Variants in FCRL2 observed in about 807,000 individuals in gnomAD.
FCRL2 encodes the protein Fc receptor like 2.
Under a neutral mutation model 59.8 loss-of-function variants are expected in FCRL2, and 48 were observed. That is an observed-to-expected ratio of 0.80 (90% CI 0.64 to 1.02). The LOEUF (loss-of-function observed/expected upper bound fraction) is 1.02. Among genes scored for constraint, FCRL2 ranks in the 50% least tolerant of loss-of-function variants. The pLI is 0.00. For missense variants in FCRL2, 658 were observed against 597.3 expected (o/e 1.10, Z -1.06); for synonymous variants, 251 against 229.5 (o/e 1.09, Z -0.85).
intron 10 of FCRL2, among the ~76,000 whole-genome samples, chr1:157,747,238 A>G (rs7517644): frequency 0.2 from 30,743 of 152,168 alleles, 3,299 homozygotes; most frequent in Non-Finnish European, 0.24. Flanking sequence ...TGAGATAACC[A>G]ATCATGTGTG....
Position 157,748,898 on chromosome 1 carries a change from T to A in FCRL2, c.1370A>T (p.Glu457Val). Residue 457 changes from glutamate (E) to valine (V), a missense_variant, in exon 9 of 12, where the codon GAG becomes GTG. Transcript: ENST00000361516. ...TYSSPTPDME[E>V]LQPVYVNVGS... ...ACCATTGACATACACTGGCTGCAGC[T>A]CCTCCATGTCTGGGGTTGGGCTTGA... The A allele has an allele frequency of 6.2e-7, 1 of 1,613,852 alleles. No individual in the cohort carries two copies. Among genetic ancestry groups the A allele is most frequent in the Non-Finnish European group, 8.5e-7 (1 of 1,179,886 alleles).
At chr1:157,749,324 T>C (rs912474287) in intron 8 of FCRL2, among the ~76,000 whole-genome samples, 1 of 152,162 alleles carries the variant, frequency 6.6e-6, no homozygotes, top group African/African-American at 2.4e-5. Context: ...AATACACATT[T>C]TGTGTGTATG....
intron 9 of FCRL2, 124 bp downstream of exon 9, chr1:157,748,751 T>C: frequency 1.7e-6 from 2 of 1,174,082 alleles, no homozygotes; most frequent in Non-Finnish European, 2.5e-6. Flanking sequence ...GAGTCTGTTA[T>C]TTATTGGGAA....
chr1:157,752,637 A>G (rs1648280567), intron 7 of FCRL2, among the ~76,000 whole-genome samples: 1 of 152,224 alleles, frequency 6.6e-6, no homozygotes, highest in South Asian at 2.1e-4. Flanking sequence ...ATTAAATTTT[A>G]TGGTTGCACT....
chr1:157,758,899 A>G (rs532003394), intron 7 of FCRL2, among the ~76,000 whole-genome samples: 3 of 152,360 alleles, frequency 2.0e-5, no homozygotes, highest in East Asian at 3.9e-4. Context: ...AAACTGGACA[A>G]CTACCTTTCA....
intron 2 of FCRL2, among the ~76,000 whole-genome samples, chr1:157,770,940 G>T (rs932055634): frequency 6.6e-6 from 1 of 152,186 alleles, no homozygotes; most frequent in Non-Finnish European, 1.5e-5. Flanking sequence ...AGGTCAGGGT[G>T]CCAGCATTGT....
At position 157,768,660 on chromosome 1, in the gene FCRL2, C is replaced by A; in HGVS notation, c.637G>T (p.Gly213Trp). Residue 213 changes from glycine (G) to tryptophan (W), a missense_variant, in exon 5 of 12, where the codon GGG (glycine) becomes TGG (tryptophan). Physicochemically the swap from Gly to Trp is radical, Grantham distance 184 (BLOSUM62 -2). Transcript: ENST00000361516. ...SNVSLEIRAPGGQVTEGQKLI... is the reference protein window; with the variant it reads ...SNVSLEIRAPWGQVTEGQKLI... ...TTTTGTCCTTCAGTCACCTGTCCCC[C>A]GGGGGCCCGGATCTCCAAGCTTACA... 1 of 1,613,818 alleles carries A rather than the reference C, an allele frequency of 6.2e-7. No individual in the cohort carries two copies. Among genetic ancestry groups the A allele is most frequent in the Non-Finnish European group, 8.5e-7 (1 of 1,179,834 alleles).
chr1:157,757,225 A>G (rs1648661966), intron 7 of FCRL2, among the ~76,000 whole-genome samples: 1 of 152,222 alleles, frequency 6.6e-6, no homozygotes, highest in Non-Finnish European at 1.5e-5. Flanking sequence ...GCTTGGGCAC[A>G]TTTATAAGCT....
chr1:157,763,806 A>C (rs1043451000), intron 7 of FCRL2, among the ~76,000 whole-genome samples: 1 of 152,090 alleles, frequency 6.6e-6, no homozygotes, highest in African/African-American at 2.4e-5. Flanking sequence ...CAAGGCGGGC[A>C]GATCAGGAAG....
chr1:157,768,406 T>C lies in FCRL2; in HGVS notation c.883+8A>G. The C allele has an allele frequency of 6.2e-7, 1 of 1,610,376 alleles. No homozygotes were observed. The highest frequency in any genetic ancestry group is 2.2e-5 in the East Asian group (1 of 44,852). ...TTTCTGGAAGATATGAATGAGAGTG[T>C]CACTCACTTCTCACAGGGATATTCA... On this transcript the variant is annotated splice_region_variant and intron_variant, in intron 5 of 11. Transcript: ENST00000361516.
intron 5 of FCRL2, 59 bp downstream of exon 5, chr1:157,768,353 CAT>C: frequency 6.4e-7 from 1 of 1,552,758 alleles, no homozygotes; most frequent in Non-Finnish European, 8.8e-7. Context: ...CCTCAGGACA[CAT>C]GTGTATCATG....
intron 7 of FCRL2, among the ~76,000 whole-genome samples, chr1:157,759,687 A>G (rs1024441229): frequency 1.3e-5 from 2 of 152,232 alleles, no homozygotes; most frequent in Admixed American, 6.5e-5. Context: ...CAAAAATCAT[A>G]TGAAAAAGTG....
intron 7 of FCRL2, among the ~76,000 whole-genome samples, chr1:157,755,706 A>G (rs1648534623): frequency 6.6e-6 from 1 of 152,244 alleles, no homozygotes; most frequent in Non-Finnish European, 1.5e-5. Context: ...TTACAGTTCT[A>G]TACATATTTA....
Position 157,746,760 on chromosome 1 carries a change from G to C in FCRL2, c.1503C>G (p.Ile501Met). 6.2e-7 allele frequency: 1 copy of C among 1,613,956 alleles called. No individual in the cohort carries two copies. The highest frequency in any genetic ancestry group is 8.5e-7 in the Non-Finnish European group (1 of 1,179,842). ...TLLENKDSQVIYSSVKKS is the reference protein window; with the variant it reads ...TLLENKDSQVMYSSVKKS ...GTTATGATTTCTTCACAGAAGAGTA[G>C]ATGACTTGGGAGTCCTGGGAGAGAC... Residue 501 changes from isoleucine to methionine, a missense_variant, in exon 12 of 12, where the codon ATC becomes ATG. Ile to Met is a conservative substitution (Grantham distance 10). Transcript: ENST00000361516.
At chr1:157,747,662 A>C (rs1316346066) in intron 10 of FCRL2, among the ~76,000 whole-genome samples, 2 of 152,238 alleles carry the variant, frequency 1.3e-5, no homozygotes, top group African/African-American at 4.8e-5. Flanking sequence ...CCAGGAGTAC[A>C]GAACAAAGGA....
intron 5 of FCRL2, chr1:157,768,124 G>A (rs976647863): frequency 8.8e-6 from 3 of 340,096 alleles, no homozygotes; most frequent in African/African-American, 2.1e-5. Context: ...TTAGATCCAT[G>A]ACACTCCCTG....
rs908695734 is a variant in FCRL2, at chr1:157,766,209, C to T, written c.1279+646G>A. Among the ~76,000 whole-genome samples, 7 of 152,218 alleles carry T rather than the reference C, an allele frequency of 4.6e-5. No homozygotes were observed. In the East Asian group the frequency reaches 9.6e-4, roughly 21 times the overall value. ...GTTCCTGGCCAGGCGCTGTGGCTCACGCCTATAATCCCAGCACTTTGGGAG... is the reference window on the plus strand; with the variant it reads ...GTTCCTGGCCAGGCGCTGTGGCTCATGCCTATAATCCCAGCACTTTGGGAG... On this transcript the variant is annotated intron_variant, in intron 7 of 11. Coordinates refer to ENST00000361516, the MANE Select transcript of FCRL2 (RefSeq NM_030764.4).
intron 7 of FCRL2, among the ~76,000 whole-genome samples, chr1:157,764,841 T>C (rs1051556081): frequency 4.6e-5 from 7 of 152,166 alleles, no homozygotes; most frequent in Non-Finnish European, 8.8e-5. Context: ...GGAAAGTTTA[T>C]AGCAATAAAC....
chr1:157,766,874 G>A lies in FCRL2; in HGVS notation c.1260C>T (p.Ala420=). 6.2e-7 allele frequency: 1 copy of A among 1,614,112 alleles called. No homozygotes were observed. The change falls in exon 7 of 12, where the codon GCC becomes GCT. Residue 420 remains alanine, a synonymous_variant. Transcript: ENST00000361516. ...TACAACCTGATATCTTGTGGAACAA[G>A]GCATACAACAGCAAAGCAACACCAG... ...GFTGVALLLY[A]LFHKISGESS... is the part of the protein sequence containing the mutation.
Sources: allele counts gnomAD v4.1 joint callset (sites outside exome capture counted in the v4.1 genomes callset), GRCh38; gene constraint gnomAD v4.1.1; transcripts MANE v1.5; gene names NCBI Gene and HGNC (gene_info 2026-07-23, HGNC 2026-07-21).